SEMA3D: variants seen among roughly 807,000 people sequenced by gnomAD.
SEMA3D encodes the protein semaphorin 3D.
Under a neutral mutation model 100.1 loss-of-function variants are expected in SEMA3D, and 84 were observed. That is an observed-to-expected ratio of 0.84 (90% CI 0.70 to 1.01). SEMA3D has a LOEUF of 1.01. Ranked by LOEUF, SEMA3D falls within the 50% of genes least tolerant of loss-of-function variation. The pLI is 0.00. For missense variants in SEMA3D, 875 were observed against 934.1 expected (o/e 0.94, Z 0.82); for synonymous variants, 312 against 320.7 (o/e 0.97, Z 0.29).
chr7:85,108,000 A>C (rs748371272), intron 3 of SEMA3D, among the ~76,000 whole-genome samples: 1 of 152,056 alleles, frequency 6.6e-6, no homozygotes, highest in Non-Finnish European at 1.5e-5. Flanking sequence ...TTTCATGATG[A>C]AAATACTCCA....
At chr7:85,233,107 G>A in the SEMA3D span, among the ~76,000 whole-genome samples, 1 of 152,016 alleles carries the variant, frequency 6.6e-6, no homozygotes, top group African/African-American at 2.4e-5. Flanking sequence ...TCTGACCAAG[G>A]AGTAAATATG....
intron 9 of SEMA3D, among the ~76,000 whole-genome samples, chr7:85,054,083 G>A (rs530228944): frequency 6.6e-6 from 1 of 151,816 alleles, no homozygotes; most frequent in East Asian, 1.9e-4. Flanking sequence ...TTTATATATG[G>A]GATAACTAGA....
intron 12 of SEMA3D, among the ~76,000 whole-genome samples, chr7:85,030,957 A>G (rs1010578705): frequency 7.2e-5 from 11 of 152,024 alleles, no homozygotes; most frequent in Non-Finnish European, 1.6e-4. Context: ...GAAAAAATCC[A>G]CCTGAACAAA....
At position 85,033,675 on chromosome 7, in the gene SEMA3D, T is replaced by C. The variant is rs181549339; in HGVS notation, c.1191+3214A>G. ...TAATATCTAGATAATTGAAAAATAA[T>C]ATGGCCTGAATGGTGACAGTCTTTA... On this transcript the variant is annotated intron_variant, in intron 12 of 18. Coordinates refer to ENST00000284136, the MANE Select transcript of SEMA3D (RefSeq NM_001384900.1). 9.0e-4 allele frequency among the ~76,000 whole-genome samples: 137 copies of C among 152,092 alleles called. 3 individuals are homozygous for C. The highest frequency in any genetic ancestry group is 4.9e-4 in the Non-Finnish European group (33 of 67,970).
upstream of SEMA3D, among the ~76,000 whole-genome samples, chr7:85,189,286 T>C (rs535676650): frequency 6.6e-6 from 1 of 152,288 alleles, no homozygotes; most frequent in African/African-American, 2.4e-5. Context: ...ATAAAAACAG[T>C]AGAAATAATG....
intron 5 of SEMA3D, among the ~76,000 whole-genome samples, chr7:85,076,097 G>A (rs568065312): frequency 6.6e-6 from 1 of 152,292 alleles, no homozygotes; most frequent in South Asian, 2.1e-4. Flanking sequence ...TAATTTGTCA[G>A]CTATTGCCCA....
chr7:85,014,692 A>G (rs141541826), intron 16 of SEMA3D, among the ~76,000 whole-genome samples: 2 of 151,862 alleles, frequency 1.3e-5, no homozygotes, highest in Non-Finnish European at 3.0e-5. Flanking sequence ...TATTTGCAAA[A>G]CAGTGGGCAT....
chr7:85,184,959 T>C (rs1791501179), intron 1 of SEMA3D, among the ~76,000 whole-genome samples: 1 of 152,160 alleles, frequency 6.6e-6, no homozygotes, highest in Non-Finnish European at 1.5e-5. Flanking sequence ...CTCATCCTCC[T>C]TGCTGTCTGG....
the SEMA3D span, among the ~76,000 whole-genome samples, chr7:85,222,518 A>G: frequency 6.6e-6 from 1 of 152,008 alleles, no homozygotes; most frequent in Non-Finnish European, 1.5e-5. Context: ...CAGGTAGTTT[A>G]TTTTTCTGTG....
At chr7:85,175,194 A>C (rs554073594) in intron 1 of SEMA3D, among the ~76,000 whole-genome samples, 2 of 152,314 alleles carry the variant, frequency 1.3e-5, no homozygotes, top group East Asian at 3.9e-4. Context: ...TGAAATGACT[A>C]TTCACTGTAC....
chr7:85,167,303 A>G (rs1790933598), intron 1 of SEMA3D: 1 of 984,828 alleles, frequency 1.0e-6, no homozygotes, highest in Non-Finnish European at 1.2e-6. Context: ...GTATCTGGAA[A>G]TATGCAGAAC....
chr7:84,996,109 A>C lies in SEMA3D; in HGVS notation c.*3331T>G, dbSNP rs2115669286. ...TTTTGATTTCCATTTGTATTATATA[A>C]ATAAATATGAAATACAACATTTAAG... On this transcript the variant is annotated 3_prime_UTR_variant, in exon 19 of 19. Transcript: ENST00000284136. 6.6e-6 allele frequency: 1 copy of C among 152,110 alleles called. No individual in the cohort carries two copies. The highest frequency in any genetic ancestry group is 1.9e-4 in the East Asian group (1 of 5,192). 9.4% of individuals were successfully genotyped at this position (152,110 alleles called of 1,614,324 possible). A position where few individuals can be genotyped will look rare whatever the true frequency, so the allele number is the denominator to read the frequency against.
rs142707012 is a variant in SEMA3D at position 85,113,230 on chromosome 7, C to T, written c.151+8511G>A. Reference sequence around the variant, plus strand: ...TATTTATAGTAATAATCATATAATACGAAACCTGGAAATATAGAACATTCT... The same window carrying T: ...TATTTATAGTAATAATCATATAATATGAAACCTGGAAATATAGAACATTCT... On this transcript the variant is annotated intron_variant, in intron 3 of 18. Transcript: ENST00000284136. 2.1e-4 allele frequency among the ~76,000 whole-genome samples: 32 copies of T among 152,172 alleles called. No homozygotes were observed. The East Asian group carries it at 4.8e-3, about 23-fold the overall frequency.
At chr7:85,145,345 T>G (rs930240681) in intron 2 of SEMA3D, among the ~76,000 whole-genome samples, 1 of 151,976 alleles carries the variant, frequency 6.6e-6, no homozygotes. Context: ...TTTTATTGGT[T>G]TGGGGGGGAT....
upstream of SEMA3D, among the ~76,000 whole-genome samples, chr7:85,187,763 A>T (rs940121503): frequency 3.9e-5 from 6 of 152,208 alleles, no homozygotes; most frequent in Non-Finnish European, 7.3e-5. Context: ...CTTTAAGCAA[A>T]AGTAATGCAG....
chr7:85,093,333 G>A (rs2116293518), intron 4 of SEMA3D, among the ~76,000 whole-genome samples: 1 of 151,982 alleles, frequency 6.6e-6, no homozygotes, highest in South Asian at 2.1e-4. Context: ...CGAGATGAAA[G>A]AGAGGGTTTT....
chr7:85,245,182 A>C, the SEMA3D span, among the ~76,000 whole-genome samples: 1 of 152,232 alleles, frequency 6.6e-6, no homozygotes, highest in African/African-American at 2.4e-5. Flanking sequence ...AAACAAAAGC[A>C]TTAAAATTCA....
At chr7:85,091,472 TA>T (rs1156711517) in intron 4 of SEMA3D, among the ~76,000 whole-genome samples, 2 of 151,540 alleles carry the variant, frequency 1.3e-5, no homozygotes, top group East Asian at 3.9e-4. Context: ...GAGTATTGCA[TA>T]TTTTTTTTTA....
At chr7:85,225,186 A>G in the SEMA3D span, among the ~76,000 whole-genome samples, 4 of 143,868 alleles carry the variant, frequency 2.8e-5, no homozygotes, top group African/African-American at 5.1e-5. Context: ...ATACATATAT[A>G]ATACATATAT....
Sources: gnomAD v4.1 joint callset for allele counts (sites outside exome capture counted in the v4.1 genomes callset) on GRCh38, gnomAD v4.1.1 for gene constraint, MANE v1.5 for transcripts, NCBI Gene and HGNC (gene_info 2026-07-23, HGNC 2026-07-21) for gene names.